TTC7A: variants seen among roughly 807,000 people sequenced by gnomAD.
TTC7A encodes the protein tetratricopeptide repeat domain 7A.
In TTC7A, 110 loss-of-function variants were observed where a neutral mutation model predicts 103.7. The observed-to-expected ratio is 1.06, with a 90% CI of 0.91 to 1.24. TTC7A has a LOEUF of 1.24. TTC7A is among the 50% of genes most tolerant of loss of function. The probability of loss-of-function intolerance (pLI) is 0.00; values close to 1 mark genes in which losing one functional copy is unlikely to be tolerated. For synonymous variants in TTC7A, 521 were observed against 467.9 expected (o/e 1.11, Z -1.47); for missense variants, 1,340 against 1,116.3 (o/e 1.20, Z -2.86).
chr2:47,073,371 G>A (rs1684937180), intron 19 of TTC7A, among the ~76,000 whole-genome samples: 1 of 152,178 alleles, frequency 6.6e-6, no homozygotes, highest in African/African-American at 2.4e-5. Context: ...TGAGGAAACT[G>A]AGGGCCAGAG....
intron 3 of TTC7A, 120 bp from the exon 4 acceptor site, chr2:46,974,853 T>A (rs1296613534): frequency 3.9e-6 from 2 of 515,370 alleles, no homozygotes; most frequent in Non-Finnish European, 2.6e-6. Context: ...GACCTCCGCC[T>A]CCTCCTGGCT....
intron 14 of TTC7A, among the ~76,000 whole-genome samples, chr2:47,026,183 T>C (rs1679895261): frequency 6.6e-6 from 1 of 152,176 alleles, no homozygotes; most frequent in Non-Finnish European, 1.5e-5. Context: ...CCTGGGTCTC[T>C]GAGGCCCCCA....
intron 1 of TTC7A, among the ~76,000 whole-genome samples, chr2:46,944,125 G>C (rs1211574716): frequency 6.6e-6 from 1 of 152,188 alleles, no homozygotes; most frequent in African/African-American, 2.4e-5. Context: ...GGGAACCCCA[G>C]AGTCCTGCTT....
rs76341883 is a variant in TTC7A at position 47,026,663 on chromosome 2, G to A, written c.1641+2304G>A. Reference sequence around the variant, plus strand: ...CACGTGCCTTCAGGCTGGAAGGAAGGTTCTGTCCTATTCCTTAGTTTTCTG... The same window carrying A: ...CACGTGCCTTCAGGCTGGAAGGAAGATTCTGTCCTATTCCTTAGTTTTCTG... On this transcript the variant is annotated intron_variant, in intron 14 of 19. Coordinates refer to ENST00000319190, the MANE Select transcript of TTC7A (RefSeq NM_020458.4). Among the ~76,000 whole-genome samples, 829 of 146,572 alleles carry A rather than the reference G, an allele frequency of 5.7e-3. 8 individuals carry two copies. Among genetic ancestry groups the A allele is most frequent in the African/African-American group, 0.017 (639 of 38,146 alleles).
At chr2:46,948,929 G>C (rs555887716) in intron 1 of TTC7A, among the ~76,000 whole-genome samples, 3 of 152,208 alleles carry the variant, frequency 2.0e-5, no homozygotes, top group Non-Finnish European at 4.4e-5. Context: ...TTTTTGGATT[G>C]GCACTTAACT....
intron 2 of TTC7A, among the ~76,000 whole-genome samples, chr2:46,922,240 T>C (rs1258731816): frequency 6.6e-6 from 1 of 152,198 alleles, no homozygotes; most frequent in Non-Finnish European, 1.5e-5. Flanking sequence ...GCATTAGGCC[T>C]ATACCATTTC....
intron 19 of TTC7A, among the ~76,000 whole-genome samples, chr2:47,067,249 T>C (rs557558276): frequency 6.6e-6 from 1 of 152,340 alleles, no homozygotes; most frequent in East Asian, 1.9e-4. Context: ...TAATCTAGAC[T>C]CTCTTGTGAC....
At chr2:46,933,635 G>A (rs1669822632) in intron 2 of TTC7A, among the ~76,000 whole-genome samples, 3 of 152,176 alleles carry the variant, frequency 2.0e-5, no homozygotes, top group Admixed American at 6.5e-5. Flanking sequence ...AATGATCATG[G>A]TAATGAGTAA....
chr2:46,990,762 G>C (rs986117232), intron 5 of TTC7A, among the ~76,000 whole-genome samples: 1 of 152,126 alleles, frequency 6.6e-6, no homozygotes, highest in African/African-American at 2.4e-5. Context: ...TACTGTGTCA[G>C]ATTGTCCCTT....
chr2:47,057,708 G>T (rs1683431387), intron 18 of TTC7A, among the ~76,000 whole-genome samples: 1 of 152,168 alleles, frequency 6.6e-6, no homozygotes, highest in Admixed American at 6.5e-5. Flanking sequence ...CCTCTCTCGT[G>T]ACCCTGGGGG....
chr2:46,973,562 A>G (rs979567334), intron 3 of TTC7A, among the ~76,000 whole-genome samples: 9 of 152,206 alleles, frequency 5.9e-5, no homozygotes, highest in South Asian at 4.1e-4. Flanking sequence ...CCTGTACACA[A>G]AGTCATACAT....
In TTC7A at chr2:47,049,963, A is replaced by G. The variant is rs760049670; in HGVS notation, c.1934A>G (p.Asp645Gly). The G allele has an allele frequency of 6.2e-7, 1 of 1,614,024 alleles. No individual in the cohort carries two copies. Among genetic ancestry groups the G allele is most frequent in the Non-Finnish European group, 8.5e-7 (1 of 1,179,968 alleles). ...SFSQLGGLEK[D>G]GSFGEGLTMK... Reference sequence around the variant, plus strand: ...TTGCCTTCCAGAGGCCTAGAAAAGGATGGCAGCTTCGGTGAGGGCCTCACC... The same window carrying G: ...TTGCCTTCCAGAGGCCTAGAAAAGGGTGGCAGCTTCGGTGAGGGCCTCACC... The change falls in exon 17 of 20, where the codon GAT becomes GGT. Residue 645 changes from aspartate to glycine, a missense_variant. By Grantham distance (94) the Asp-to-Gly change is moderately conservative. Transcript: ENST00000319190.
At chr2:47,052,067 G>A (rs1682905570) in intron 18 of TTC7A, among the ~76,000 whole-genome samples, 187 bp downstream of exon 18, 1 of 152,244 alleles carries the variant, frequency 6.6e-6, no homozygotes, top group Non-Finnish European at 1.5e-5. Context: ...CTGCCTTCCT[G>A]CCTGGGAGAG....
At chr2:47,042,984 G>A (rs1035856576) in intron 15 of TTC7A, among the ~76,000 whole-genome samples, 4 of 152,194 alleles carry the variant, frequency 2.6e-5, no homozygotes, top group Non-Finnish European at 4.4e-5. Context: ...CAGCGTTCTG[G>A]TGAGGCTGTG....
chr2:47,006,699 C>A lies in TTC7A; in HGVS notation c.1262C>A (p.Ala421Asp). 1 of 1,614,048 alleles carries A rather than the reference C, an allele frequency of 6.2e-7. No individual in the cohort carries two copies. The highest frequency in any genetic ancestry group is 8.5e-7 in the Non-Finnish European group (1 of 1,179,874). ...FGEFHLWYQV[A>D]LSMVACGKSA... The stretch of plus-strand genomic sequence containing the variant: ...GAATTTCACCTTTGGTACCAGGTGG[C>A]CCTCTCCATGGTGGCTTGTGGGAAG... The change falls in exon 10 of 20, where the codon GCC becomes GAC. Residue 421 changes from alanine to aspartate, a missense_variant. By Grantham distance (126) the Ala-to-Asp change is moderately radical. Transcript: ENST00000319190.
intron 19 of TTC7A, 151 bp from the exon 20 acceptor site, chr2:47,073,551 G>T (rs1168862007): frequency 7.4e-6 from 5 of 671,798 alleles, no homozygotes; most frequent in Non-Finnish European, 1.3e-5. Flanking sequence ...ATGGGGAAAG[G>T]CACAGTCACT....
intron 19 of TTC7A, among the ~76,000 whole-genome samples, chr2:47,071,666 G>T (rs1209510901): frequency 6.6e-6 from 1 of 152,142 alleles, no homozygotes. Context: ...AGGGCTTCCG[G>T]CCAGCAAGCC....
intron 16 of TTC7A, among the ~76,000 whole-genome samples, chr2:47,048,026 C>G (rs906117974): frequency 6.6e-6 from 1 of 152,166 alleles, no homozygotes; most frequent in Admixed American, 6.5e-5. Flanking sequence ...GCCTAGCAGA[C>G]CTTCACTATC....
intron 16 of TTC7A, chr2:47,046,885 G>C (rs1439905579): frequency 4.2e-6 from 1 of 238,646 alleles, no homozygotes; most frequent in Non-Finnish European, 8.1e-6. Context: ...CCAGCCCATG[G>C]AGCCTGTCAC....
Sources: gnomAD v4.1 joint callset for allele counts (sites outside exome capture counted in the v4.1 genomes callset) on GRCh38, gnomAD v4.1.1 for gene constraint, MANE v1.5 for transcripts, NCBI Gene and HGNC (gene_info 2026-07-23, HGNC 2026-07-21) for gene names.